COBL: variants seen among roughly 807,000 people sequenced by gnomAD.
The protein encoded by COBL is protein cordon-bleu.
Under a neutral mutation model 98.8 loss-of-function variants are expected in COBL, and 51 were observed. The ratio of observed to expected loss-of-function variants is 0.52; its 90% CI spans 0.41 to 0.65. COBL has a LOEUF of 0.65. COBL is among the 30% of genes least tolerant of loss of function. The probability of loss-of-function intolerance (pLI) is 0.00; values close to 1 mark genes in which losing one functional copy is unlikely to be tolerated. For synonymous variants in COBL, 634 were observed against 651.7 expected, an observed-to-expected ratio of 0.97 and a Z score of 0.41; for missense variants, 1,617 against 1,617.5, an observed-to-expected ratio of 1.00 and a Z score of 0.01.
intron 1 of COBL, among the ~76,000 whole-genome samples, chr7:51,305,634 T>C (rs144896343): frequency 2.6e-5 from 4 of 152,268 alleles, no homozygotes; most frequent in East Asian, 1.9e-4. Context: ...AAAAAATAGA[T>C]TGAGGGACAT....
At chr7:51,057,333 TACACAC>T (rs10579615) in intron 7 of COBL, among the ~76,000 whole-genome samples, 1 of 149,110 alleles carries the variant, frequency 6.7e-6, no homozygotes, top group Admixed American at 6.6e-5. Flanking sequence ...CGCACACACA[TACACAC>T]ACACACACAC....
intron 1 of COBL, among the ~76,000 whole-genome samples, chr7:51,293,520 G>C (rs1801108665): frequency 6.6e-6 from 1 of 152,192 alleles, no homozygotes; most frequent in Non-Finnish European, 1.5e-5. Flanking sequence ...TGGTGGTTGA[G>C]GGGCGCAGGA....
intron 1 of COBL, among the ~76,000 whole-genome samples, chr7:51,302,600 A>G (rs1802082268): frequency 6.6e-6 from 1 of 151,354 alleles, no homozygotes; most frequent in Admixed American, 6.6e-5. Context: ...AAAAAAAAAA[A>G]GATTCACAAT....
chr7:51,084,337 C>A (rs532548543), intron 7 of COBL, among the ~76,000 whole-genome samples: 2 of 152,180 alleles, frequency 1.3e-5, no homozygotes, highest in South Asian at 4.2e-4. Flanking sequence ...GGTGAGTGGC[C>A]TGTGAGTGCT....
chr7:51,233,856 A>T (rs1194995105), intron 1 of COBL, among the ~76,000 whole-genome samples: 2 of 152,160 alleles, frequency 1.3e-5, no homozygotes, highest in African/African-American at 4.8e-5. Flanking sequence ...TCCCACTAAC[A>T]AACTTGTGCA....
intron 1 of COBL, among the ~76,000 whole-genome samples, chr7:51,278,781 A>G (rs1271978235): frequency 6.6e-6 from 1 of 152,228 alleles, no homozygotes; most frequent in Non-Finnish European, 1.5e-5. Context: ...ACTTTTTTAC[A>G]GTATGAAAAT....
At chr7:51,308,837 C>T (rs1308143034) in intron 1 of COBL, among the ~76,000 whole-genome samples, 5 of 152,192 alleles carry the variant, frequency 3.3e-5, no homozygotes, top group African/African-American at 2.4e-5. Flanking sequence ...AAGCAAAGGA[C>T]GTCAGCACCC....
intron 1 of COBL, among the ~76,000 whole-genome samples, chr7:51,223,291 A>G (rs1321673764): frequency 6.6e-6 from 1 of 152,280 alleles, no homozygotes; most frequent in Non-Finnish European, 1.5e-5. Context: ...ACGTGTACAC[A>G]TTAAAGTTAG....
chr7:51,153,033 T>C (rs578103705), intron 5 of COBL, among the ~76,000 whole-genome samples: 37 of 152,362 alleles, frequency 2.4e-4, no homozygotes, highest in African/African-American at 8.7e-4. Flanking sequence ...ACTAGCCTAC[T>C]ATTGTATATC....
intron 6 of COBL, among the ~76,000 whole-genome samples, chr7:51,128,443 A>C (rs1798427634): frequency 6.6e-6 from 1 of 152,162 alleles, no homozygotes; most frequent in Non-Finnish European, 1.5e-5. Flanking sequence ...AGGGAATTTA[A>C]AAAGACAGCC....
chr7:51,149,172 A>G (rs968345934), intron 5 of COBL, among the ~76,000 whole-genome samples: 4 of 152,288 alleles, frequency 2.6e-5, no homozygotes, highest in African/African-American at 9.6e-5. Context: ...TGTGAAGTGC[A>G]AGTGTCTGTC....
intron 1 of COBL, among the ~76,000 whole-genome samples, chr7:51,254,939 T>C (rs1280497082): frequency 2.6e-5 from 4 of 152,214 alleles, no homozygotes; most frequent in Admixed American, 2.6e-4. Context: ...CTAACAATAC[T>C]TAAAAAGTTA....
intron 1 of COBL, among the ~76,000 whole-genome samples, chr7:51,250,865 G>C (rs1350611351): frequency 6.6e-6 from 1 of 152,168 alleles, no homozygotes; most frequent in Non-Finnish European, 1.5e-5. Context: ...CCAAAAGACT[G>C]ATACAGCAGC....
intron 7 of COBL, among the ~76,000 whole-genome samples, chr7:51,065,790 T>G (rs576777550): frequency 2.0e-5 from 3 of 152,352 alleles, no homozygotes; most frequent in East Asian, 1.9e-4. Flanking sequence ...GAATGTAACA[T>G]TATTAGGATA....
At chr7:51,178,193 T>C (rs1046477597) in intron 5 of COBL, among the ~76,000 whole-genome samples, 1 of 152,078 alleles carries the variant, frequency 6.6e-6, no homozygotes, top group Non-Finnish European at 1.5e-5. Flanking sequence ...TATATATATA[T>C]ATACATGTGG....
At chr7:51,037,734 A>G (rs1588290011) in intron 8 of COBL, among the ~76,000 whole-genome samples, 1 of 152,244 alleles carries the variant, frequency 6.6e-6, no homozygotes, top group East Asian at 1.9e-4. Context: ...TGTTCCCTTT[A>G]CAAGGTCAAA....
At chr7:51,036,336 C>CAAAAAA (rs59610375) in intron 8 of COBL, among the ~76,000 whole-genome samples, 6 of 94,208 alleles carry the variant, frequency 6.4e-5, no homozygotes, top group African/African-American at 1.3e-4. Flanking sequence ...GACTCCGTCT[C>CAAAAAA]AAAAAAAAAA....
At chr7:51,198,612 TGGGCA>T in intron 2 of COBL, among the ~76,000 whole-genome samples, 1 of 152,230 alleles carries the variant, frequency 6.6e-6, no homozygotes, top group East Asian at 1.9e-4. Context: ...CCCAAGAAGT[TGGGCA>T]CAGGTTTTTT....
intron 5 of COBL, among the ~76,000 whole-genome samples, chr7:51,157,919 C>T (rs1473128705): frequency 1.3e-5 from 2 of 152,212 alleles, no homozygotes; most frequent in African/African-American, 4.8e-5. Flanking sequence ...AAAATACAGA[C>T]AATCATCACA....
Sources: gnomAD v4.1 joint callset for allele counts (sites outside exome capture counted in the v4.1 genomes callset) on GRCh38, gnomAD v4.1.1 for gene constraint, MANE v1.5 for transcripts, NCBI Gene and HGNC (gene_info 2026-07-23, HGNC 2026-07-21) for gene names.